PLCB1: variants seen among roughly 807,000 people sequenced by gnomAD.
The protein encoded by PLCB1 is 1-phosphatidylinositol 4,5-bisphosphate phosphodiesterase beta-1.
PLCB1 carries 46 observed loss-of-function variants against 161.8 expected under a neutral mutation model. The observed-to-expected ratio is 0.28, with a 90% CI of 0.22 to 0.36. The LOEUF is 0.36. Among genes scored for constraint, PLCB1 ranks in the 10% least tolerant of loss-of-function variants. The pLI is 1.00. For synonymous variants in PLCB1, 517 were observed against 503.7 expected, an observed-to-expected ratio of 1.03 and a Z score of -0.35; for missense variants, 1,016 against 1,472.5, an observed-to-expected ratio of 0.69 and a Z score of 5.07.
chr20:8,232,077 T>C (rs528106974), intron 2 of PLCB1, among the ~76,000 whole-genome samples: 1 of 152,234 alleles, frequency 6.6e-6, no homozygotes, highest in East Asian at 1.9e-4. Context: ...CTTGGTGGTG[T>C]GCGTCTGTAG....
chr20:8,528,646 C>T (rs553064645), intron 3 of PLCB1, among the ~76,000 whole-genome samples: 83 of 152,006 alleles, frequency 5.5e-4, no homozygotes, highest in Admixed American at 5.4e-3. Flanking sequence ...AGTTTCAGTC[C>T]TAAAATTGTT....
intron 27 of PLCB1, among the ~76,000 whole-genome samples, chr20:8,782,143 T>G (rs1264239841): frequency 6.6e-6 from 1 of 152,136 alleles, no homozygotes; most frequent in Non-Finnish European, 1.5e-5. Context: ...AAATAAGAAT[T>G]TTATAGGTGT....
chr20:8,304,374 C>G (rs905626914), intron 2 of PLCB1, among the ~76,000 whole-genome samples: 1 of 152,030 alleles, frequency 6.6e-6, no homozygotes, highest in African/African-American at 2.4e-5. Flanking sequence ...CCAGAAACTA[C>G]CCCCTTCTAA....
intron 2 of PLCB1, among the ~76,000 whole-genome samples, chr20:8,160,080 G>A (rs1322413970): frequency 1.3e-5 from 2 of 151,728 alleles, no homozygotes; most frequent in Non-Finnish European, 2.9e-5. Context: ...TAAATCTCCA[G>A]GGCAGGGGAA....
chr20:8,720,448 G>T (rs137857644), intron 14 of PLCB1, among the ~76,000 whole-genome samples: 6 of 152,146 alleles, frequency 3.9e-5, no homozygotes, highest in Non-Finnish European at 8.8e-5. Flanking sequence ...CATTTGGTTC[G>T]TAGATGTTCA....
chr20:8,801,106 T>C (rs570755377), intron 31 of PLCB1, among the ~76,000 whole-genome samples: 3 of 152,168 alleles, frequency 2.0e-5, no homozygotes, highest in African/African-American at 7.2e-5. Context: ...TAACTCCACT[T>C]TTGCTGCATT....
At chr20:8,163,240 C>T (rs181776655) in intron 2 of PLCB1, among the ~76,000 whole-genome samples, 8 of 152,244 alleles carry the variant, frequency 5.3e-5, no homozygotes, top group Admixed American at 3.3e-4. Context: ...TTGGAGAGCC[C>T]TGGGAGACAG....
At chr20:8,620,292 A>G (rs973202722) in intron 3 of PLCB1, among the ~76,000 whole-genome samples, 1 of 152,224 alleles carries the variant, frequency 6.6e-6, no homozygotes, top group South Asian at 2.1e-4. Context: ...TTAACATATA[A>G]TGATTCATTT....
Position 8,684,573 on chromosome 20 carries a change from A to G in PLCB1, c.863-359A>G, listed in dbSNP as rs1280764465. Among the ~76,000 whole-genome samples the G allele has an allele frequency of 4.6e-5, 7 of 152,184 alleles. No individual in the cohort carries two copies. In the East Asian group the frequency reaches 1.3e-3, roughly 29 times the overall value. On this transcript the variant is annotated intron_variant, in intron 9 of 31. Coordinates refer to ENST00000338037, the MANE Select transcript of PLCB1 (RefSeq NM_015192.4). ...TTTGATTATAAAGTAACATACATTA[A>G]TAAGAAAAAAAATTGAAAAATTACC...
At chr20:8,383,469 G>T (rs1444584777) in intron 3 of PLCB1, among the ~76,000 whole-genome samples, 1 of 152,094 alleles carries the variant, frequency 6.6e-6, no homozygotes, top group African/African-American at 2.4e-5. Flanking sequence ...GCATACCGAT[G>T]GGTCTTGACT....
chr20:8,692,162 T>G (rs1397225071), intron 10 of PLCB1, among the ~76,000 whole-genome samples: 1 of 152,178 alleles, frequency 6.6e-6, no homozygotes, highest in Non-Finnish European at 1.5e-5. Context: ...ATGAATTAAA[T>G]TATCTGACTG....
chr20:8,450,763 T>G (rs1981040620), intron 3 of PLCB1, among the ~76,000 whole-genome samples: 2 of 152,226 alleles, frequency 1.3e-5, no homozygotes, highest in Non-Finnish European at 2.9e-5. Context: ...ATTTATTACA[T>G]ATGACAAACT....
At chr20:8,830,350 G>C (rs957974049) in intron 31 of PLCB1, among the ~76,000 whole-genome samples, 2 of 152,238 alleles carry the variant, frequency 1.3e-5, no homozygotes. Flanking sequence ...GCTTTATCCA[G>C]AAGACAGGAG....
chr20:8,773,458 G>T (rs909752732), intron 26 of PLCB1, among the ~76,000 whole-genome samples: 11 of 152,184 alleles, frequency 7.2e-5, no homozygotes, highest in African/African-American at 2.7e-4. Flanking sequence ...AATTTATTTT[G>T]ACATTCACCC....
At chr20:8,553,987 G>A (rs2123001264) in intron 3 of PLCB1, among the ~76,000 whole-genome samples, 1 of 151,732 alleles carries the variant, frequency 6.6e-6, no homozygotes, top group South Asian at 2.1e-4. Flanking sequence ...GGGCAACAGA[G>A]CAAGACTCCA....
intron 2 of PLCB1, among the ~76,000 whole-genome samples, chr20:8,361,120 A>G (rs1214491836): frequency 6.6e-6 from 1 of 151,648 alleles, no homozygotes; most frequent in African/African-American, 2.4e-5. Flanking sequence ...GAATCAAAAC[A>G]TGTGGAAATC....
At chr20:8,327,947 A>G (rs780047409) in intron 2 of PLCB1, among the ~76,000 whole-genome samples, 1 of 152,142 alleles carries the variant, frequency 6.6e-6, no homozygotes, top group Non-Finnish European at 1.5e-5. Context: ...ATACAGTAAT[A>G]CACATGCTTA....
At chr20:8,150,598 G>A (rs1254242740) in intron 2 of PLCB1, among the ~76,000 whole-genome samples, 4 of 152,054 alleles carry the variant, frequency 2.6e-5, no homozygotes, top group Admixed American at 1.3e-4. Context: ...GGTATTTTTG[G>A]TTCTGTTTAT....
At chr20:8,523,496 C>CTCTCTCTCTCTCTCTCTATA in intron 3 of PLCB1, among the ~76,000 whole-genome samples, 21 of 51,648 alleles carry the variant, frequency 4.1e-4, no homozygotes, top group South Asian at 6.6e-4. Context: ...CTCTCTCTCT[C>CTCTCTCTCTCTCTCTCTATA]TATATATATA....
Sources: gnomAD v4.1 joint callset for allele counts (sites outside exome capture counted in the v4.1 genomes callset) on GRCh38, gnomAD v4.1.1 for gene constraint, MANE v1.5 for transcripts, NCBI Gene and HGNC (gene_info 2026-07-23, HGNC 2026-07-21) for gene names.